Variants in RAB3C observed in about 807,000 individuals in gnomAD.
RAB3C encodes RAB3C, member RAS oncogene family.
RAB3C carries 17 observed loss-of-function variants against 26.4 expected under a neutral mutation model. That is an observed-to-expected ratio of 0.64 (90% CI 0.44 to 0.97). The LOEUF is 0.97. Ranked by LOEUF, RAB3C falls within the 50% of genes least tolerant of loss-of-function variation. RAB3C has a pLI of 0.00. For missense variants in RAB3C, 242 were observed against 281.9 expected (o/e 0.86, Z 1.01); for synonymous variants, 91 against 95.9 (o/e 0.95, Z 0.30).
intron 4 of RAB3C, among the ~76,000 whole-genome samples, chr5:58,847,334 T>A (rs1744026998): frequency 6.6e-6 from 1 of 152,192 alleles, no homozygotes; most frequent in Non-Finnish European, 1.5e-5. Flanking sequence ...TTGATCTTGC[T>A]GAACCACACT....
At chr5:58,611,403 A>AT (rs1248014030) in intron 1 of RAB3C, among the ~76,000 whole-genome samples, 1 of 151,778 alleles carries the variant, frequency 6.6e-6, no homozygotes, top group Admixed American at 6.6e-5. Flanking sequence ...TTATTTTTTG[A>AT]TTTTTTAGTA....
chr5:58,701,712 C>A (rs2111880099), intron 2 of RAB3C, among the ~76,000 whole-genome samples: 1 of 152,284 alleles, frequency 6.6e-6, no homozygotes, highest in South Asian at 2.1e-4. Context: ...GGGCTCATGG[C>A]CCCTTCCTCT....
chr5:58,765,706 A>G (rs1314346847), intron 3 of RAB3C, among the ~76,000 whole-genome samples: 1 of 152,242 alleles, frequency 6.6e-6, no homozygotes, highest in African/African-American at 2.4e-5. Flanking sequence ...GTGTGGATGC[A>G]TCATCCATCA....
At chr5:58,754,119 C>T (rs991336928) in intron 3 of RAB3C, among the ~76,000 whole-genome samples, 10 of 152,040 alleles carry the variant, frequency 6.6e-5, no homozygotes, top group Non-Finnish European at 4.4e-5. Flanking sequence ...CTTTCCATCA[C>T]AAAAGGGTTA....
At chr5:58,676,963 A>G (rs158989) in intron 2 of RAB3C, among the ~76,000 whole-genome samples, 19,497 of 152,080 alleles carry the variant, frequency 0.13, 1,580 homozygotes, top group Middle Eastern at 0.22. Flanking sequence ...GGTGACTTAA[A>G]CAACAGAAAT....
At chr5:58,612,904 T>C (rs1265784666) in intron 1 of RAB3C, among the ~76,000 whole-genome samples, 2 of 152,012 alleles carry the variant, frequency 1.3e-5, no homozygotes, top group East Asian at 3.9e-4. Flanking sequence ...CTTGTGCTGG[T>C]TTTCAAGGGG....
intron 3 of RAB3C, among the ~76,000 whole-genome samples, chr5:58,810,368 T>TCTCTCTCTCTCTCG (rs1554020124): frequency 2.8e-5 from 4 of 144,346 alleles, no homozygotes; most frequent in South Asian, 2.3e-4. Context: ...CTGTGTGCTC[T>TCTCTCTCTCTCTCG]CTCTCTCTCT....
At chr5:58,841,435 C>T (rs1416559975) in intron 4 of RAB3C, among the ~76,000 whole-genome samples, 1 of 152,062 alleles carries the variant, frequency 6.6e-6, no homozygotes, top group African/African-American at 2.4e-5. Context: ...AAAATGGAGT[C>T]CCAGTGCTGG....
intron 2 of RAB3C, among the ~76,000 whole-genome samples, chr5:58,653,625 A>T (rs1024964828): frequency 3.9e-5 from 6 of 152,248 alleles, no homozygotes; most frequent in Non-Finnish European, 7.3e-5. Flanking sequence ...GTCCTAAAAA[A>T]GAATGAGTTC....
intron 4 of RAB3C, among the ~76,000 whole-genome samples, chr5:58,825,529 A>G (rs1009123500): frequency 2.0e-5 from 3 of 152,110 alleles, no homozygotes; most frequent in Non-Finnish European, 2.9e-5. Flanking sequence ...ATTGTTCTCA[A>G]GTTTCCATTG....
At chr5:58,641,616 C>T (rs557035994) in intron 2 of RAB3C, among the ~76,000 whole-genome samples, 2 of 152,310 alleles carry the variant, frequency 1.3e-5, no homozygotes, top group Admixed American at 1.3e-4. Flanking sequence ...GCACATCTGA[C>T]TAGTGAGTTG....
intron 2 of RAB3C, among the ~76,000 whole-genome samples, chr5:58,722,747 A>T (rs540998791): frequency 6.6e-6 from 1 of 152,018 alleles, no homozygotes; most frequent in South Asian, 2.1e-4. Context: ...AATATACAAG[A>T]ATATCCAAAT....
At chr5:58,636,067 G>A (rs1747284323) in intron 2 of RAB3C, among the ~76,000 whole-genome samples, 1 of 152,220 alleles carries the variant, frequency 6.6e-6, no homozygotes, top group East Asian at 1.9e-4. Flanking sequence ...TTGCGCTCAA[G>A]CCAGCAAACT....
intron 2 of RAB3C, among the ~76,000 whole-genome samples, chr5:58,657,234 G>A (rs1219479164): frequency 1.3e-5 from 2 of 151,952 alleles, no homozygotes; most frequent in African/African-American, 2.4e-5. Context: ...GGACTTTGGG[G>A]GGAAGAATGG....
intron 3 of RAB3C, among the ~76,000 whole-genome samples, chr5:58,812,103 T>G (rs917524699): frequency 6.6e-6 from 1 of 152,168 alleles, no homozygotes; most frequent in African/African-American, 2.4e-5. Flanking sequence ...TTCATCTTTC[T>G]TTTGTGGCAA....
intron 2 of RAB3C, among the ~76,000 whole-genome samples, chr5:58,678,708 A>C (rs1052426773): frequency 3.2e-4 from 48 of 152,132 alleles, no homozygotes; most frequent in African/African-American, 1.2e-3. Flanking sequence ...AAATTCACCC[A>C]TTCTCTATTT....
intron 2 of RAB3C, among the ~76,000 whole-genome samples, chr5:58,664,955 G>A (rs1747974863): frequency 6.6e-6 from 1 of 151,866 alleles, no homozygotes; most frequent in Admixed American, 6.6e-5. Context: ...TAGGATCTTG[G>A]CGCTGGATGC....
intron 2 of RAB3C, among the ~76,000 whole-genome samples, chr5:58,688,803 C>T (rs908422562): frequency 2.6e-5 from 4 of 152,182 alleles, no homozygotes; most frequent in Non-Finnish European, 4.4e-5. Flanking sequence ...CTTAATACTA[C>T]TTAGAAAATC....
chr5:58,731,073 G>T (rs1324398499), intron 3 of RAB3C, among the ~76,000 whole-genome samples: 5 of 152,036 alleles, frequency 3.3e-5, no homozygotes, highest in South Asian at 2.1e-4. Flanking sequence ...CTCCCACTAG[G>T]TTCCTCCCAT....
Sources: allele counts gnomAD v4.1 joint callset (sites outside exome capture counted in the v4.1 genomes callset), GRCh38; gene constraint gnomAD v4.1.1; transcripts MANE v1.5; gene names NCBI Gene and HGNC (gene_info 2026-07-23, HGNC 2026-07-21).